Variants in RPA1 observed in about 807,000 individuals in gnomAD.
RPA1 encodes the protein replication protein A1.
Under a neutral mutation model 83.0 loss-of-function variants are expected in RPA1, and 49 were observed. The ratio of observed to expected loss-of-function variants is 0.59; its 90% confidence interval spans 0.47 to 0.75. The LOEUF is 0.75. Among genes scored for constraint, RPA1 ranks in the 30% least tolerant of loss-of-function variants. The probability of loss-of-function intolerance (pLI) is 0.00; values close to 1 mark genes in which losing one functional copy is unlikely to be tolerated. For missense variants in RPA1, 693 were observed against 776.1 expected (o/e 0.89, Z 1.27); for synonymous variants, 279 against 281.8 (o/e 0.99, Z 0.10).
In RPA1 at chr17:1,844,682, G is replaced by A. The variant is rs1411457047; in HGVS notation, c.268G>A (p.Gly90Arg). Reference protein sequence around the residue: ...HRFIVNTLKDGRRVVILMELE... With the variant: ...HRFIVNTLKDRRRVVILMELE... ...ATTTATTGTGAACACTCTGAAAGACGGAAGGTATGTGCTGTGTTTTTTTCT... is the reference window on the plus strand; with the variant it reads ...ATTTATTGTGAACACTCTGAAAGACAGAAGGTATGTGCTGTGTTTTTTTCT... The change falls in exon 4 of 17, where the codon GGA (glycine) becomes AGA (arginine). Residue 90 changes from glycine to arginine, a missense_variant. Physicochemically the swap from Gly to Arg is moderately radical, Grantham distance 125. Transcript: ENST00000254719. The A allele has an allele frequency of 5.0e-6, 8 of 1,609,720 alleles. No individual in the cohort carries two copies. The African/African-American group carries it at 5.3e-5, about 11-fold the overall frequency.
intron 1 of RPA1, among the ~76,000 whole-genome samples, chr17:1,834,462 A>G (rs11867636): frequency 0.23 from 34,549 of 152,188 alleles, 4,267 homozygotes; most frequent in East Asian, 0.41. Context: ...TGATGGAATG[A>G]GTTGGAGAAC....
intron 5 of RPA1, among the ~76,000 whole-genome samples, chr17:1,854,779 A>G (rs964951411): frequency 5.3e-5 from 8 of 152,268 alleles, no homozygotes; most frequent in African/African-American, 1.4e-4. Context: ...AAGGGTTACT[A>G]TCTTTACTAT....
intron 5 of RPA1, among the ~76,000 whole-genome samples, chr17:1,866,207 A>G (rs913375268): frequency 2.6e-5 from 4 of 151,892 alleles, no homozygotes; most frequent in African/African-American, 7.3e-5. Context: ...GTGCCACTAC[A>G]CTCCAGCCTG....
At chr17:1,838,242 G>T (rs995300764) in intron 1 of RPA1, among the ~76,000 whole-genome samples, 5 of 151,982 alleles carry the variant, frequency 3.3e-5, no homozygotes, top group Admixed American at 6.6e-5. Context: ...AGTGAGCCAA[G>T]ATCGCACCAC....
chr17:1,854,452 C>T (rs1163689509), intron 5 of RPA1, among the ~76,000 whole-genome samples: 1 of 152,136 alleles, frequency 6.6e-6, no homozygotes, highest in Non-Finnish European at 1.5e-5. Flanking sequence ...GTAATCCCTG[C>T]ACTTTAGGAG....
chr17:1,864,307 T>C lies in RPA1; in HGVS notation c.362-8127T>C, dbSNP rs1369355352. On this transcript the variant is annotated intron_variant, in intron 5 of 16. Coordinates refer to ENST00000254719, the MANE Select transcript of RPA1 (RefSeq NM_002945.5). ...ATCCCAGCACTTTGGGAGGCTGAGG[T>C]GGGCGAATCACCTGAGGTCAGGAGT... Among the ~76,000 whole-genome samples the C allele has an allele frequency of 3.3e-5, 5 of 152,100 alleles. No homozygotes were observed. The East Asian group carries it at 5.8e-4, about 18-fold the overall frequency.
chr17:1,860,425 C>T (rs1192608815), intron 5 of RPA1, among the ~76,000 whole-genome samples: 1 of 152,244 alleles, frequency 6.6e-6, no homozygotes, highest in African/African-American at 2.4e-5. Flanking sequence ...GAATTACAGG[C>T]ATAAGCTACT....
At chr17:1,875,050 A>T (rs1179874212) in intron 6 of RPA1, among the ~76,000 whole-genome samples, 2 of 152,216 alleles carry the variant, frequency 1.3e-5, no homozygotes, top group African/African-American at 2.4e-5. Flanking sequence ...GGTTTGGATT[A>T]AGGAGGCGGA....
At chr17:1,832,922 G>A (rs747411239) in intron 1 of RPA1, among the ~76,000 whole-genome samples, 18 of 151,636 alleles carry the variant, frequency 1.2e-4, no homozygotes, top group Non-Finnish European at 1.8e-4. Flanking sequence ...TAAAATTATT[G>A]TGTTTGTTTG....
At chr17:1,872,257 G>C (rs1026138165) in intron 5 of RPA1, 177 bp from the exon 6 acceptor site, 6 of 913,126 alleles carry the variant, frequency 6.6e-6, no homozygotes, top group Admixed American at 5.7e-5. Context: ...AAAACAAAAA[G>C]TGAACCCCTA....
chr17:1,874,012 A>AATATATAT (rs1180376121), intron 6 of RPA1, among the ~76,000 whole-genome samples: 13 of 93,836 alleles, frequency 1.4e-4, no homozygotes, highest in African/African-American at 6.1e-4. Flanking sequence ...AAAAAAAAAA[A>AATATATAT]ATATATATAT....
chr17:1,850,683 A>T (rs1912460334), intron 4 of RPA1, among the ~76,000 whole-genome samples: 1 of 151,084 alleles, frequency 6.6e-6, no homozygotes, highest in Non-Finnish European at 1.5e-5. Context: ...ATCACCTGAG[A>T]TGGGGAGTTC....
intron 15 of RPA1, among the ~76,000 whole-genome samples, chr17:1,892,190 A>G (rs1375747343): frequency 6.6e-6 from 1 of 152,122 alleles, no homozygotes. Context: ...TATTTTTAGT[A>G]GAGACGGGGT....
intron 12 of RPA1, among the ~76,000 whole-genome samples, chr17:1,881,347 G>C (rs971706082): frequency 4.6e-5 from 7 of 152,166 alleles, no homozygotes; most frequent in African/African-American, 1.4e-4. Flanking sequence ...TAGTCTATGG[G>C]GGGGAAGTGT....
intron 1 of RPA1, among the ~76,000 whole-genome samples, chr17:1,839,228 G>A (rs1013663443): frequency 2.0e-5 from 3 of 152,170 alleles, no homozygotes; most frequent in African/African-American, 7.2e-5. Context: ...TGATTTCTAT[G>A]TTGGTGCTTA....
In RPA1 at chr17:1,893,522, T is replaced by C. The variant is rs147652742; in HGVS notation, c.1660-1487T>C. ...AGCAAAGCTGCTTTCACGCCGTGCG[T>C]GACTTGCAAAAAACACTAGGTTGGT... is the stretch of plus-strand genomic sequence containing the variant. On this transcript the variant is annotated intron_variant, in intron 15 of 16. Coordinates refer to ENST00000254719, the MANE Select transcript of RPA1 (RefSeq NM_002945.5). Among the ~76,000 whole-genome samples, 392 of 152,338 alleles carry C rather than the reference T, an allele frequency of 2.6e-3. 1 individual carries two copies. The highest frequency in any genetic ancestry group is 9.0e-3 in the African/African-American group (374 of 41,596).
At chr17:1,885,394 C>T (rs763623864) in intron 13 of RPA1, among the ~76,000 whole-genome samples, 3 of 152,160 alleles carry the variant, frequency 2.0e-5, no homozygotes, top group African/African-American at 4.8e-5. Context: ...TCAGTGTCTA[C>T]CTTGAGGGTT....
intron 2 of RPA1, among the ~76,000 whole-genome samples, chr17:1,843,420 T>C (rs560484371): frequency 3.8e-4 from 57 of 151,446 alleles, no homozygotes; most frequent in Non-Finnish European, 5.7e-4. Context: ...CTGCCTCTGC[T>C]CTCTCTCAGG....
At chr17:1,847,622 C>T (rs1025890392) in intron 4 of RPA1, among the ~76,000 whole-genome samples, 7 of 152,132 alleles carry the variant, frequency 4.6e-5, no homozygotes, top group East Asian at 1.9e-4. Context: ...TTTATCTTAA[C>T]GTGTTTATGC....
Sources: allele counts gnomAD v4.1 joint callset (sites outside exome capture counted in the v4.1 genomes callset), GRCh38; gene constraint gnomAD v4.1.1; transcripts MANE v1.5; gene names NCBI Gene and HGNC (gene_info 2026-07-23, HGNC 2026-07-21).